DNAJC13: variants seen among roughly 807,000 people sequenced by gnomAD.
The protein encoded by DNAJC13 is DnaJ heat shock protein family (Hsp40) member C13.
DNAJC13 carries 75 observed loss-of-function variants against 290.5 expected under a neutral mutation model. The ratio of observed to expected loss-of-function variants is 0.26; its 90% CI spans 0.21 to 0.31. The LOEUF (loss-of-function observed/expected upper bound fraction) is 0.31, where lower values mean the gene tolerates loss of function less well. Ranked by LOEUF, DNAJC13 falls within the 10% of genes least tolerant of loss-of-function variation. The pLI is 1.00. For missense variants in DNAJC13, 2,260 were observed against 2,674.5 expected (o/e 0.85, Z 3.42); for synonymous variants, 862 against 892.0 (o/e 0.97, Z 0.60).
intron 5 of DNAJC13, 28 bp downstream of exon 5, chr3:132,447,967 T>C: frequency 2.8e-6 from 4 of 1,413,518 alleles, no homozygotes; most frequent in Non-Finnish European, 4.0e-6. Flanking sequence ...ATTATGTATT[T>C]TTATTTGTTC....
chr3:132,459,605 A>T (rs1287053233), intron 13 of DNAJC13, among the ~76,000 whole-genome samples: 1 of 152,208 alleles, frequency 6.6e-6, no homozygotes, highest in Non-Finnish European at 1.5e-5. Context: ...CACAATAAAA[A>T]AAAGTAAGAA....
chr3:132,421,958 T>G (rs1938971002), intron 1 of DNAJC13, among the ~76,000 whole-genome samples: 1 of 152,152 alleles, frequency 6.6e-6, no homozygotes, highest in African/African-American at 2.4e-5. Flanking sequence ...GAGTCTGGGA[T>G]TCATTCATTA....
chr3:132,513,741 C>T (rs1288426546), intron 45 of DNAJC13, among the ~76,000 whole-genome samples: 1 of 152,064 alleles, frequency 6.6e-6, no homozygotes, highest in Non-Finnish European at 1.5e-5. Context: ...TTAGATGTAG[C>T]CTTTTCTTCT....
intron 45 of DNAJC13, among the ~76,000 whole-genome samples, chr3:132,513,470 A>G (rs1417557235): frequency 1.3e-5 from 2 of 152,130 alleles, no homozygotes; most frequent in Non-Finnish European, 2.9e-5. Flanking sequence ...TACTGAGGCC[A>G]TATCTGTTGG....
rs959294226 is a variant in DNAJC13, at chr3:132,482,103, T to C, written c.2875-123T>C. 1.5e-5 allele frequency: 10 copies of C among 649,950 alleles called. No individual in the cohort carries two copies. In the Admixed American group the frequency reaches 3.1e-4, roughly 20 times the overall value. 40.3% of individuals were successfully genotyped at this position (649,950 alleles called of 1,614,324 possible). A position where few individuals can be genotyped will look rare whatever the true frequency, so the allele number is the denominator to read the frequency against. On this transcript the variant is annotated intron_variant, in intron 26 of 55. Transcript: ENST00000260818. ...AATCTTAAAATAAGGTCACTTAAAC[T>C]TTCAGGTTAACTTTTAAAGGGATAT... is the stretch of plus-strand genomic sequence containing the variant.
Position 132,507,257 on chromosome 3 carries a change from T to C in DNAJC13, c.5019T>C (p.Tyr1673=). The C allele has an allele frequency of 6.2e-7, 1 of 1,611,124 alleles. No individual in the cohort carries two copies. The highest frequency in any genetic ancestry group is 1.1e-5 in the South Asian group (1 of 90,730). ...MIKKGDCDKT[Y]GSEFVYSDHA... ...AAAAGGGTGATTGTGACAAAACTTA[T>C]GGATCAGAATTTGTCTACAGTGATC... Residue 1673 remains tyrosine (Y), a synonymous_variant, in exon 43 of 56, where the codon TAT becomes TAC. Coordinates refer to ENST00000260818, the MANE Select transcript of DNAJC13 (RefSeq NM_015268.4).
chr3:132,418,438 G>C (rs1394456222), intron 1 of DNAJC13, among the ~76,000 whole-genome samples: 1 of 152,170 alleles, frequency 6.6e-6, no homozygotes, highest in Non-Finnish European at 1.5e-5. Context: ...CTATGTTTAA[G>C]AGTGCCTTCC....
intron 5 of DNAJC13, among the ~76,000 whole-genome samples, chr3:132,448,683 C>T (rs1933328025): frequency 6.6e-6 from 1 of 152,162 alleles, no homozygotes. Flanking sequence ...GATATGCGGG[C>T]AGCACCATTC....
At chr3:132,525,348 A>C (rs1313740829) in intron 51 of DNAJC13, among the ~76,000 whole-genome samples, 1 of 152,162 alleles carries the variant, frequency 6.6e-6, no homozygotes, top group African/African-American at 2.4e-5. Context: ...CTCAAAAAAA[A>C]CCTGCAATAG....
At chr3:132,455,176 A>T (rs1006037937) in intron 9 of DNAJC13, among the ~76,000 whole-genome samples, 6 of 152,222 alleles carry the variant, frequency 3.9e-5, no homozygotes, top group Admixed American at 3.9e-4. Flanking sequence ...TCAATACTGA[A>T]AAAAACCAAG....
intron 17 of DNAJC13, among the ~76,000 whole-genome samples, chr3:132,465,397 A>G (rs950835225): frequency 1.3e-5 from 2 of 152,200 alleles, no homozygotes; most frequent in Non-Finnish European, 2.9e-5. Flanking sequence ...GGGGATTAAA[A>G]TTAGTAAATG....
At chr3:132,516,901 C>G (rs2107737765) in intron 48 of DNAJC13, 85 bp downstream of exon 48, 1 of 1,145,376 alleles carries the variant, frequency 8.7e-7, no homozygotes, top group Non-Finnish European at 1.3e-6. Flanking sequence ...TTACTGAAAT[C>G]TGAGATGGTG....
intron 29 of DNAJC13, among the ~76,000 whole-genome samples, chr3:132,487,382 G>T (rs956257378): frequency 6.6e-6 from 1 of 151,530 alleles, no homozygotes; most frequent in Non-Finnish European, 1.5e-5. Context: ...TCAGCCTCCC[G>T]AGTAGCTGGG....
chr3:132,450,509 A>T, intron 5 of DNAJC13, 138 bp from the exon 6 acceptor site: 1 of 586,990 alleles, frequency 1.7e-6, no homozygotes. Flanking sequence ...CATAGTTTTA[A>T]CAATTTGGAT....
At chr3:132,475,833 G>C (rs1201016020) in intron 22 of DNAJC13, among the ~76,000 whole-genome samples, 1 of 152,090 alleles carries the variant, frequency 6.6e-6, no homozygotes, top group Non-Finnish European at 1.5e-5. Flanking sequence ...ACCACTAAAT[G>C]TTGGCTGGCT....
At chr3:132,464,464 CATAA>C (rs960051009) in intron 17 of DNAJC13, among the ~76,000 whole-genome samples, 15 of 152,252 alleles carry the variant, frequency 9.9e-5, no homozygotes, top group East Asian at 1.9e-4. Context: ...AAAACAGTAT[CATAA>C]ATAGTTTTAA....
intron 6 of DNAJC13, among the ~76,000 whole-genome samples, chr3:132,452,347 A>C (rs1933442862): frequency 6.6e-6 from 1 of 152,220 alleles, no homozygotes; most frequent in Admixed American, 6.5e-5. Flanking sequence ...AGATTTATTC[A>C]ACAAACCTTT....
At chr3:132,528,948 AT>A (rs200060151) in intron 54 of DNAJC13, among the ~76,000 whole-genome samples, 2,018 of 150,842 alleles carry the variant, frequency 0.013, 18 homozygotes, top group Middle Eastern at 0.065. Flanking sequence ...ACTAATGCTC[AT>A]TTTTTTTTAA....
At chr3:132,466,924 CTCTG>C (rs1934014152) in intron 19 of DNAJC13, among the ~76,000 whole-genome samples, 1 of 152,170 alleles carries the variant, frequency 6.6e-6, no homozygotes, top group African/African-American at 2.4e-5. Context: ...ATCACTCCTT[CTCTG>C]TCTGCACCCA....
Sources: allele counts gnomAD v4.1 joint callset (sites outside exome capture counted in the v4.1 genomes callset), GRCh38; gene constraint gnomAD v4.1.1; transcripts MANE v1.5; gene names NCBI Gene and HGNC (gene_info 2026-07-23, HGNC 2026-07-21).